ROBO2: variants seen among roughly 807,000 people sequenced by gnomAD.
ROBO2 encodes roundabout homolog 2.
Under a neutral mutation model 160.8 loss-of-function variants are expected in ROBO2, and 53 were observed. That is an observed-to-expected ratio of 0.33 (90% CI 0.26 to 0.41). The LOEUF (loss-of-function observed/expected upper bound fraction) is 0.41. Ranked by LOEUF, ROBO2 falls within the 10% of genes least tolerant of loss-of-function variation. The pLI, the probability that ROBO2 is intolerant of heterozygous loss-of-function variation, is 1.00. For synonymous variants in ROBO2, 664 were observed against 611.7 expected (o/e 1.09, Z -1.26); for missense variants, 1,577 against 1,722.4 (o/e 0.92, Z 1.49).
chr3:77,284,973 C>T (rs879667457), intron 2 of ROBO2, among the ~76,000 whole-genome samples: 8 of 152,028 alleles, frequency 5.3e-5, no homozygotes, highest in Admixed American at 2.0e-4. Flanking sequence ...GCTTTTGTGT[C>T]GAGTGTTGCC....
intron 2 of ROBO2, among the ~76,000 whole-genome samples, chr3:76,012,027 C>G (rs1003811535): frequency 6.6e-6 from 1 of 152,100 alleles, no homozygotes; most frequent in East Asian, 1.9e-4. Flanking sequence ...TCTTTAATTT[C>G]TAATTTAGCT....
upstream of ROBO2, among the ~76,000 whole-genome samples, chr3:77,035,451 G>T (rs1168082966): frequency 6.6e-6 from 1 of 151,432 alleles, no homozygotes; most frequent in African/African-American, 2.4e-5. Context: ...TTTCCAAATA[G>T]ATTTTGGACT....
At position 76,725,705 on chromosome 3, in the gene ROBO2, T is replaced by C. The variant is rs560503929; in HGVS notation, c.110-372309T>C. 1.2e-3 allele frequency among the ~76,000 whole-genome samples: 187 copies of C among 152,250 alleles called. 1 individual carries two copies. The South Asian group carries it at 0.02, about 16-fold the overall frequency. On this transcript the variant is annotated intron_variant, in intron 2 of 26. Transcript: ENST00000487694. ...GCCTTTGGAGCAGCCAAAGTTCTAG[T>C]TGGATCAAAGGCAGGTATTCTCTGT...
chr3:76,032,172 A>T lies in ROBO2; in HGVS notation c.109+94570A>T, dbSNP rs2066944749. ...GGTGTTTATAGTATTCTCTGATGGT[A>T]GTTTGTATTTCTGTGGGATCGGTGG... On this transcript the variant is annotated intron_variant, in intron 2 of 26. Coordinates refer to the ROBO2 transcript ENST00000487694. Among the ~76,000 whole-genome samples the T allele has an allele frequency of 3.3e-5, 5 of 152,086 alleles. No individual in the cohort carries two copies. In the South Asian group the frequency reaches 1.0e-3, roughly 32 times the overall value.
At chr3:76,159,651 T>C (rs910480073) in intron 2 of ROBO2, among the ~76,000 whole-genome samples, 1 of 152,102 alleles carries the variant, frequency 6.6e-6, no homozygotes, top group African/African-American at 2.4e-5. Flanking sequence ...CTGTCTTATA[T>C]ATACAAGGGG....
At chr3:76,428,617 C>CA (rs58841794) in intron 2 of ROBO2, among the ~76,000 whole-genome samples, 63 of 151,256 alleles carry the variant, frequency 4.2e-4, no homozygotes, top group Admixed American at 1.2e-3. Flanking sequence ...CTAACAGAAA[C>CA]AAAAAAAAGT....
chr3:76,263,510 A>G (rs1012393479), intron 2 of ROBO2, among the ~76,000 whole-genome samples: 1 of 152,120 alleles, frequency 6.6e-6, no homozygotes, highest in Non-Finnish European at 1.5e-5. Flanking sequence ...GGTGTGAGCC[A>G]CCCTGCTTGG....
intron 2 of ROBO2, among the ~76,000 whole-genome samples, chr3:76,611,075 G>A (rs187186653): frequency 3.3e-5 from 5 of 152,262 alleles, no homozygotes; most frequent in African/African-American, 9.6e-5. Flanking sequence ...GTTCATGGGT[G>A]GGCGTGGAAA....
rs139015689 is a variant in ROBO2, at chr3:77,307,545, G to A, written c.389-169869G>A. ...GGGCTCCCATTGCTGGCTTCTTCAC[G>A]AAGGCCTGCCATTCTTTATACTACT... On this transcript the variant is annotated intron_variant, in intron 2 of 25. Coordinates refer to ENST00000461745, the Ensembl canonical transcript of ROBO2. 3.0e-3 allele frequency among the ~76,000 whole-genome samples: 464 copies of A among 152,138 alleles called. 2 individuals carry two copies. The highest frequency in any genetic ancestry group is 0.011 in the African/African-American group (451 of 41,496).
chr3:76,230,629 T>A (rs1192678782), intron 2 of ROBO2, among the ~76,000 whole-genome samples: 1 of 152,114 alleles, frequency 6.6e-6, no homozygotes. Flanking sequence ...TGACTTTTCA[T>A]CTGGAATTAC....
Position 77,242,095 on chromosome 3 carries a change from G to A in ROBO2, c.388+143755G>A, listed in dbSNP as rs546140325. ...CTGCTAAGAAAGCACTCAGATGCAT[G>A]CTGAAATATGTATTACCTTATGGAT... On this transcript the variant is annotated intron_variant, in intron 2 of 25. Coordinates refer to ENST00000461745, the Ensembl canonical transcript of ROBO2. Among the ~76,000 whole-genome samples the A allele has an allele frequency of 2.0e-4, 30 of 152,268 alleles. 1 individual carries two copies. Among genetic ancestry groups the A allele is most frequent in the African/African-American group, 6.5e-4 (27 of 41,552 alleles).
At position 76,172,976 on chromosome 3, in the gene ROBO2, T is replaced by TA. The variant is rs914857510; in HGVS notation, c.109+235381dup. 6.6e-5 allele frequency among the ~76,000 whole-genome samples: 10 copies of TA among 151,940 alleles called. No homozygotes were observed. In the South Asian group the frequency reaches 1.5e-3, roughly 22 times the overall value. Reference sequence around the variant, plus strand: ...CAAAGGTAGGATGACTGGACCTCAGTAAAAAAAGTCACAAAATGTCTGATA... The same window carrying TA: ...CAAAGGTAGGATGACTGGACCTCAGTAAAAAAAAGTCACAAAATGTCTGATA... On this transcript the variant is annotated intron_variant, in intron 2 of 26. Coordinates refer to the ROBO2 transcript ENST00000487694.
At chr3:77,407,679 G>A in intron 2 of ROBO2, among the ~76,000 whole-genome samples, 1 of 152,170 alleles carries the variant, frequency 6.6e-6, no homozygotes, top group East Asian at 1.9e-4. Context: ...CCTCCTGCTG[G>A]CTTGTTGCCT....
intron 2 of ROBO2, among the ~76,000 whole-genome samples, chr3:76,296,922 TTAAC>T (rs1709105137): frequency 6.6e-6 from 1 of 152,198 alleles, no homozygotes; most frequent in Admixed American, 6.5e-5. Flanking sequence ...AGCTCATTAA[TTAAC>T]TACACATCTC....
chr3:76,402,916 TC>T (rs2077921523), intron 2 of ROBO2, among the ~76,000 whole-genome samples: 1 of 151,592 alleles, frequency 6.6e-6, no homozygotes, highest in Admixed American at 6.6e-5. Flanking sequence ...GTCTGCAAAG[TC>T]CCTCTTACTA....
chr3:76,131,008 G>A (rs950864069), intron 2 of ROBO2, among the ~76,000 whole-genome samples: 1 of 152,136 alleles, frequency 6.6e-6, no homozygotes, highest in African/African-American at 2.4e-5. Flanking sequence ...AAATAATGCT[G>A]AGAAGAATTC....
In ROBO2 at chr3:77,476,772, C is replaced by T. The variant is rs145028740; in HGVS notation, c.389-642C>T. Among the ~76,000 whole-genome samples, 5 of 152,242 alleles carry T rather than the reference C, an allele frequency of 3.3e-5. No homozygotes were observed. The East Asian group carries it at 9.7e-4, about 29-fold the overall frequency. On this transcript the variant is annotated intron_variant, in intron 2 of 25. Coordinates refer to ENST00000461745, the Ensembl canonical transcript of ROBO2. ...GGAGGGAAATTTCAGACAGGCAAAA[C>T]TGCTATAAGGGATATCTCTGCCCTG... is the stretch of plus-strand genomic sequence containing the variant.
intron 2 of ROBO2, among the ~76,000 whole-genome samples, chr3:77,122,581 GATTATT>G (rs2074887895): frequency 6.6e-6 from 1 of 152,124 alleles, no homozygotes; most frequent in Non-Finnish European, 1.5e-5. Flanking sequence ...TTTAAAATCA[GATTATT>G]ATTACACTCA....
chr3:76,996,268 G>A (rs2060999119), intron 2 of ROBO2, among the ~76,000 whole-genome samples: 1 of 152,136 alleles, frequency 6.6e-6, no homozygotes. Flanking sequence ...TTGTAGACAT[G>A]TGGCATTATT....
Sources: gnomAD v4.1 joint callset for allele counts (sites outside exome capture counted in the v4.1 genomes callset) on GRCh38, gnomAD v4.1.1 for gene constraint, MANE v1.5 for transcripts, NCBI Gene and HGNC (gene_info 2026-07-23, HGNC 2026-07-21) for gene names.